CPNE7: variants seen among roughly 807,000 people sequenced by gnomAD.
CPNE7 encodes the protein copine-7.
In CPNE7, 78 loss-of-function variants were observed where a neutral mutation model predicts 66.5. The ratio of observed to expected loss-of-function variants is 1.17; its 90% CI spans 0.98 to 1.42. The LOEUF (loss-of-function observed/expected upper bound fraction) is 1.42. Among genes scored for constraint, CPNE7 ranks in the 40% most tolerant of loss-of-function variants. The pLI is 0.00. For synonymous variants in CPNE7, 468 were observed against 336.7 expected (o/e 1.39, Z -4.27); for missense variants, 1,012 against 776.6 (o/e 1.30, Z -3.60).
In CPNE7 at chr16:89,597,040, C is replaced by G. The variant is rs72805563; in HGVS notation, c.*419C>G. On this transcript the variant is annotated 3_prime_UTR_variant, in exon 15 of 15. Coordinates refer to ENST00000319518, the MANE Select transcript of CPNE7 (RefSeq NM_153636.3). ...TGGGGGACCCAGACACCTGTCCCCACAGTCAAAGCCTGGGGACCCAGACAT... is the reference window on the plus strand; with the variant it reads ...TGGGGGACCCAGACACCTGTCCCCAGAGTCAAAGCCTGGGGACCCAGACAT... 9.9e-3 allele frequency: 1,568 copies of G among 158,810 alleles called. 12 individuals are homozygous for G. The highest frequency in any genetic ancestry group is 0.016 in the Non-Finnish European group (1,137 of 72,780). The allele number at this position is 158,810 out of a possible 1,614,324, so 9.8% of individuals were successfully genotyped here.
chr16:89,588,569 C>T, intron 9 of CPNE7, 106 bp from the exon 10 acceptor site: 1 of 1,454,540 alleles, frequency 6.9e-7, no homozygotes, highest in African/African-American at 1.4e-5. Flanking sequence ...CCTACGCGAC[C>T]CCTGACCCTG....
At position 89,589,950 on chromosome 16, in the gene CPNE7, A is replaced by AG; in HGVS notation, c.1116+1dup. ...GGAGCCCGGATCCCTCCCAAGTATG[A>AG]GGTAGGAGAGCCCAGAACCTGAGAC... On this transcript the variant is annotated frameshift_variant and splice_region_variant, in exon 11 of 15. Coordinates refer to ENST00000319518, the MANE Select transcript of CPNE7 (RefSeq NM_153636.3). LOFTEE classifies it high-confidence loss of function. The AG allele has an allele frequency of 1.2e-6, 2 of 1,613,500 alleles. No individual in the cohort carries two copies. Among genetic ancestry groups the AG allele is most frequent in the Non-Finnish European group, 1.7e-6 (2 of 1,179,924 alleles).
chr16:89,591,946 G>A (rs1172505789), intron 13 of CPNE7, among the ~76,000 whole-genome samples: 31 of 151,280 alleles, frequency 2.0e-4, no homozygotes, highest in African/African-American at 6.4e-4. Flanking sequence ...TGATCCACCC[G>A]CCTCGGCCTC....
chr16:89,583,686 C>T lies in CPNE7; in HGVS notation c.358-11C>T. 6.2e-7 allele frequency: 1 copy of T among 1,612,760 alleles called. No homozygotes were observed. The highest frequency in any genetic ancestry group is 8.5e-7 in the Non-Finnish European group (1 of 1,179,900). ...GCCTGCCCCTCCCTGCCTGACGCCT[C>T]TGACTTACAGATTGTGGCCCAGAAG... On this transcript the variant is annotated splice_polypyrimidine_tract_variant and intron_variant, in intron 2 of 14. Coordinates refer to ENST00000319518, the MANE Select transcript of CPNE7 (RefSeq NM_153636.3).
rs2059145527 is a variant in CPNE7, at chr16:89,590,092, C to G, written c.1116+141C>G. 4 of 946,764 alleles carry G rather than the reference C, an allele frequency of 4.2e-6. No individual in the cohort carries two copies. In the South Asian group the frequency reaches 6.4e-5, roughly 15 times the overall value. The allele number at this position is 946,764 out of a possible 1,614,324, so 58.6% of individuals were successfully genotyped here. On this transcript the variant is annotated intron_variant, in intron 11 of 14. Coordinates refer to ENST00000319518, the MANE Select transcript of CPNE7 (RefSeq NM_153636.3). Reference sequence around the variant, plus strand: ...ATGGGATTGGGGTGCAAAGCGGGAACCCCAGCCTTCTAGCCAGAGAGGCTG... The same window carrying G: ...ATGGGATTGGGGTGCAAAGCGGGAAGCCCAGCCTTCTAGCCAGAGAGGCTG...
Position 89,585,371 on chromosome 16 carries a change from C to T in CPNE7, c.592-93C>T, listed in dbSNP as rs562384190. ...ATGCAGGGGCAGGGCCAGCTGTGCCCGCCTCACAGCTGCTCTTCCACCCAG... is the reference window on the plus strand; with the variant it reads ...ATGCAGGGGCAGGGCCAGCTGTGCCTGCCTCACAGCTGCTCTTCCACCCAG... On this transcript the variant is annotated intron_variant, in intron 5 of 14. Transcript: ENST00000319518. 537 of 871,654 alleles carry T rather than the reference C, an allele frequency of 6.2e-4. 2 individuals are homozygous for T. The highest frequency in any genetic ancestry group is 8.0e-4 in the Non-Finnish European group (428 of 536,384). 54.0% of individuals were successfully genotyped at this position (871,654 alleles called of 1,614,324 possible). A position where few individuals can be genotyped will look rare whatever the true frequency, so the allele number is the denominator to read the frequency against.
At chr16:89,588,868 T>C (rs1437967456) in intron 10 of CPNE7, 60 bp downstream of exon 10, 71 of 1,591,392 alleles carry the variant, frequency 4.5e-5, no homozygotes, top group Middle Eastern at 1.7e-4. Flanking sequence ...CAGGTGCGCC[T>C]GGCCGTCTTC....
At chr16:89,583,587 G>A (rs933868996) in intron 2 of CPNE7, 110 bp from the exon 3 acceptor site, 3 of 1,604,722 alleles carry the variant, frequency 1.9e-6, no homozygotes, top group Non-Finnish European at 2.6e-6. Context: ...TCATGGTGGG[G>A]GATGGGGAGA....
chr16:89,590,312 G>A (rs1006253052), intron 11 of CPNE7, among the ~76,000 whole-genome samples: 15 of 152,186 alleles, frequency 9.9e-5, no homozygotes, highest in Admixed American at 9.8e-4. Flanking sequence ...ATTACCTGAG[G>A]TCAGGAGTTC....
At chr16:89,589,564 G>C (rs2059138073) in intron 10 of CPNE7, among the ~76,000 whole-genome samples, 2 of 152,190 alleles carry the variant, frequency 1.3e-5, no homozygotes, top group Admixed American at 1.3e-4. Context: ...TCTCTTTCTG[G>C]GTTGGTGAGG....
chr16:89,581,520 C>T (rs1487217538), intron 2 of CPNE7, among the ~76,000 whole-genome samples: 3 of 152,260 alleles, frequency 2.0e-5, no homozygotes, highest in South Asian at 2.1e-4. Flanking sequence ...ACTCATCCCC[C>T]TGCAGCCTCG....
Position 89,585,565 on chromosome 16 carries a change from G to T in CPNE7, c.681+12G>T, listed in dbSNP as rs767051063. 2 of 1,605,910 alleles carry T rather than the reference G, an allele frequency of 1.2e-6. No individual in the cohort carries two copies. The highest frequency in any genetic ancestry group is 2.7e-5 in the African/African-American group (2 of 74,608). On this transcript the variant is annotated intron_variant, in intron 6 of 14. Coordinates refer to ENST00000319518, the MANE Select transcript of CPNE7 (RefSeq NM_153636.3). ...CAAGGCCTCTAAAGGTGGGGGACGG[G>T]ATGGACCAAGGGGGCAGTGAGGGGG...
rs2271912 is a variant in CPNE7, at chr16:89,589,611, C to T, written c.1062-286C>T. Reference sequence around the variant, plus strand: ...TTCCTTGGCCCCACAGGACCCCTCCCGTGGTCTGAGAGCCCCCGGGGAGGC... The same window carrying T: ...TTCCTTGGCCCCACAGGACCCCTCCTGTGGTCTGAGAGCCCCCGGGGAGGC... On this transcript the variant is annotated intron_variant, in intron 10 of 14. Coordinates refer to ENST00000319518, the MANE Select transcript of CPNE7 (RefSeq NM_153636.3). Among the ~76,000 whole-genome samples the T allele has an allele frequency of 9.0e-3, 1,364 of 152,262 alleles. 86 individuals are homozygous for T. In the East Asian group the frequency reaches 0.17, roughly 19 times the overall value.
Position 89,596,496 on chromosome 16 carries a change from G to T in CPNE7, c.1552G>T (p.Ala518Ser), listed in dbSNP as rs139057816. The change falls in exon 15 of 15, where the codon GCG becomes TCG. Residue 518 changes from alanine (A) to serine (S), a missense_variant. Coordinates refer to ENST00000319518, the MANE Select transcript of CPNE7 (RefSeq NM_153636.3). Reference sequence around the variant, plus strand: ...TCCCATCCTCCAGGCATCCCCTGCGGCGCTGGCCAAGTGCGTGCTGGCCGA... The same window carrying T: ...TCCCATCCTCCAGGCATCCCCTGCGTCGCTGGCCAAGTGCGTGCTGGCCGA... ...FRELKNASPA[A>S]LAKCVLAEVP... The T allele has an allele frequency of 1.2e-6, 2 of 1,608,604 alleles. No individual in the cohort carries two copies. The highest frequency in any genetic ancestry group is 1.1e-5 in the South Asian group (1 of 90,988).
intron 14 of CPNE7, 76 bp downstream of exon 14, chr16:89,595,679 G>C: frequency 1.5e-6 from 2 of 1,323,378 alleles, no homozygotes. Flanking sequence ...ACCTTCCCAG[G>C]CCAGGCTCAC....
chr16:89,595,242 T>C, intron 13 of CPNE7, 125 bp from the exon 14 acceptor site: 2 of 726,510 alleles, frequency 2.8e-6, no homozygotes, highest in Non-Finnish European at 4.7e-6. Context: ...CATCACACTC[T>C]GAAGGCGGTT....
At chr16:89,580,653 C>T (rs1394955699) in intron 2 of CPNE7, among the ~76,000 whole-genome samples, 16 of 133,134 alleles carry the variant, frequency 1.2e-4, no homozygotes, top group South Asian at 5.5e-4. Flanking sequence ...TCCCATCACC[C>T]GTCACATGGA....
Position 89,585,530 on chromosome 16 carries a change from T to C in CPNE7, c.658T>C (p.Cys220Arg). 1.2e-6 allele frequency: 2 copies of C among 1,610,916 alleles called. No homozygotes were observed. The highest frequency in any genetic ancestry group is 1.7e-6 in the Non-Finnish European group (2 of 1,179,120). ...FKVSLSSLCS[C>R]EETRPLKCLV... ...AGTCTCTCTGAGTTCCCTCTGCAGC[T>C]GCGAGGAGACAAGGCCTCTAAAGGT... Residue 220 changes from cysteine (C) to arginine (R), a missense_variant, in exon 6 of 15, where the codon TGC becomes CGC. Cys to Arg is a radical substitution (Grantham distance 180). Coordinates refer to ENST00000319518, the MANE Select transcript of CPNE7 (RefSeq NM_153636.3).
Position 89,580,101 on chromosome 16 carries a change from A to G in CPNE7, c.357+2380A>G, listed in dbSNP as rs1326474563. On this transcript the variant is annotated intron_variant, in intron 2 of 14. Coordinates refer to ENST00000319518, the MANE Select transcript of CPNE7 (RefSeq NM_153636.3). ...CCTGCAGACACGGAACATCTCACCCATCACACAGAACATCCCGTCACCCGC... is the reference window on the plus strand; with the variant it reads ...CCTGCAGACACGGAACATCTCACCCGTCACACAGAACATCCCGTCACCCGC... Among the ~76,000 whole-genome samples the G allele has an allele frequency of 1.2e-3, 53 of 44,628 alleles. 1 individual carries two copies. Among genetic ancestry groups the G allele is most frequent in the African/African-American group, 3.5e-3 (52 of 14,712 alleles). The allele number at this position is 44,628 out of a possible 152,430, so 29.3% of individuals were successfully genotyped here. A position where few individuals can be genotyped will look rare whatever the true frequency, so the allele number is the denominator to read the frequency against.
Sources: allele counts gnomAD v4.1 joint callset (sites outside exome capture counted in the v4.1 genomes callset), GRCh38; gene constraint gnomAD v4.1.1; transcripts MANE v1.5; gene names NCBI Gene and HGNC (gene_info 2026-07-23, HGNC 2026-07-21).